SNTB1: variants seen among roughly 807,000 people sequenced by gnomAD.
SNTB1 encodes syntrophin beta 1.
In SNTB1, 36 loss-of-function variants were observed where a neutral mutation model predicts 48.9. The observed-to-expected ratio is 0.74, with a 90% CI of 0.56 to 0.97. The LOEUF (loss-of-function observed/expected upper bound fraction) is 0.97, where lower values mean the gene tolerates loss of function less well. Among genes scored for constraint, SNTB1 ranks in the 50% least tolerant of loss-of-function variants. SNTB1 has a pLI of 0.00. For synonymous variants in SNTB1, 299 were observed against 294.6 expected, an observed-to-expected ratio of 1.01 and a Z score of -0.15; for missense variants, 786 against 703.4, an observed-to-expected ratio of 1.12 and a Z score of -1.33.
chr8:120,715,501 C>CA (rs148656556), intron 1 of SNTB1, among the ~76,000 whole-genome samples: 4,193 of 151,320 alleles, frequency 0.028, 175 homozygotes, highest in African/African-American at 0.094. Context: ...TGGTTAAAAA[C>CA]AAAAAAAACA....
intron 3 of SNTB1, among the ~76,000 whole-genome samples, chr8:120,582,381 GA>G (rs566509791): frequency 2.4e-3 from 362 of 150,304 alleles, no homozygotes; most frequent in African/African-American, 8.4e-3. Context: ...ACTAGAAATA[GA>G]AAAAAAAATT....
At chr8:120,754,586 C>G (rs2130044299) in intron 1 of SNTB1, among the ~76,000 whole-genome samples, 1 of 152,184 alleles carries the variant, frequency 6.6e-6, no homozygotes, top group Middle Eastern at 3.4e-3. Context: ...AGAATTGTTC[C>G]AAATTCAGAG....
chr8:120,663,850 G>A (rs757570783), intron 2 of SNTB1, among the ~76,000 whole-genome samples: 1 of 152,126 alleles, frequency 6.6e-6, no homozygotes, highest in African/African-American at 2.4e-5. Context: ...AAGAGAGAAT[G>A]CTTGAGATAC....
At position 120,664,224 on chromosome 8, in the gene SNTB1, T is replaced by G. The variant is rs796706734; in HGVS notation, c.788+29468A>C. Reference sequence around the variant, plus strand: ...ACATGGGGCATAAGGAATAACAGGATTTTGACAGGTGGAGAATGAAGAGTG... The same window carrying G: ...ACATGGGGCATAAGGAATAACAGGAGTTTGACAGGTGGAGAATGAAGAGTG... On this transcript the variant is annotated intron_variant, in intron 2 of 6. Coordinates refer to ENST00000517992, the MANE Select transcript of SNTB1 (RefSeq NM_021021.4). Among the ~76,000 whole-genome samples the G allele has an allele frequency of 1.4e-4, 21 of 152,244 alleles. 1 individual carries two copies. The highest frequency in any genetic ancestry group is 4.8e-4 in the African/African-American group (20 of 41,546).
At chr8:120,545,805 C>T (rs545185536) in intron 5 of SNTB1, among the ~76,000 whole-genome samples, 1 of 152,302 alleles carries the variant, frequency 6.6e-6, no homozygotes, top group Admixed American at 6.5e-5. Context: ...AAATCACCAC[C>T]TCTGATTAAA....
chr8:120,665,679 TAGA>T (rs1817663207), intron 2 of SNTB1, among the ~76,000 whole-genome samples: 1 of 152,210 alleles, frequency 6.6e-6, no homozygotes, highest in South Asian at 2.1e-4. Flanking sequence ...TGTTTTCTGC[TAGA>T]AGTTTTATAG....
In SNTB1 at chr8:120,758,998, TG is replaced by T. The variant is rs549660757; in HGVS notation, c.571+52274del. Reference sequence around the variant, plus strand: ...GTTGCCTAGGCTGGTCTTGAACTCCTGGGCTCAAGCAATCCTCCACCCTCAG... The same window carrying T: ...GTTGCCTAGGCTGGTCTTGAACTCCTGGCTCAAGCAATCCTCCACCCTCAG... On this transcript the variant is annotated intron_variant, in intron 1 of 6. Transcript: ENST00000517992. 3.3e-3 allele frequency among the ~76,000 whole-genome samples: 508 copies of T among 152,230 alleles called. 1 individual carries two copies. The highest frequency in any genetic ancestry group is 5.5e-3 in the Non-Finnish European group (371 of 68,006).
chr8:120,659,221 C>T (rs1299689771), intron 2 of SNTB1, among the ~76,000 whole-genome samples: 2 of 152,140 alleles, frequency 1.3e-5, no homozygotes, highest in African/African-American at 4.8e-5. Context: ...GCTTCGGCCT[C>T]CCAAAGTGTT....
intron 6 of SNTB1, chr8:120,541,023 G>A (rs1265657490): frequency 2.0e-5 from 3 of 152,198 alleles, no homozygotes; most frequent in Non-Finnish European, 2.9e-5. Context: ...CCTCTTTGAA[G>A]TTCTACATTT....
rs1387114413 is a variant in SNTB1 at position 120,548,940 on chromosome 8, T to C, written c.1155A>G (p.Pro385=). 4 of 1,585,676 alleles carry C rather than the reference T, an allele frequency of 2.5e-6. No homozygotes were observed. In the East Asian group the frequency reaches 8.9e-5, roughly 35 times the overall value. Residue 385 remains proline, a synonymous_variant, in exon 5 of 7, where the codon CCA becomes CCG. Coordinates refer to ENST00000517992, the MANE Select transcript of SNTB1 (RefSeq NM_021021.4). ...CACCAGCCTGGGGTGATCCCTTTCC[T>C]GGACCTGAATGGACCAGCCTGGAGA... is the stretch of plus-strand genomic sequence containing the variant. ...LLATRLVHSG[P]GKGSPQAGVD... is the part of the protein sequence containing the mutation.
intron 2 of SNTB1, among the ~76,000 whole-genome samples, chr8:120,644,907 T>G (rs1011113440): frequency 3.3e-5 from 5 of 152,206 alleles, no homozygotes; most frequent in Non-Finnish European, 7.3e-5. Flanking sequence ...ATTTCTCTGA[T>G]GGCCAGTGAT....
chr8:120,797,365 T>C (rs1820134988), intron 1 of SNTB1, among the ~76,000 whole-genome samples: 1 of 152,010 alleles, frequency 6.6e-6, no homozygotes, highest in Non-Finnish European at 1.5e-5. Context: ...TTTATTTTTC[T>C]ACTTTAGAAG....
At position 120,812,000 on chromosome 8, in the gene SNTB1, A is replaced by T; in HGVS notation, c.-157T>A. The T allele has an allele frequency of 7.9e-7, 1 of 1,266,834 alleles. No homozygotes were observed. Among genetic ancestry groups the T allele is most frequent in the East Asian group, 3.3e-5 (1 of 30,524 alleles). 78.5% of individuals were successfully genotyped at this position (1,266,834 alleles called of 1,614,324 possible). On this transcript the variant is annotated 5_prime_UTR_variant, in exon 1 of 7. Transcript: ENST00000517992. ...CTCCGCTCCGGGAGTTCGCAGACGC[A>T]CTCGGCGGGAGTTGGCAGCTGCACT...
At chr8:120,780,234 C>A (rs971427833) in intron 1 of SNTB1, among the ~76,000 whole-genome samples, 2 of 152,210 alleles carry the variant, frequency 1.3e-5, no homozygotes, top group African/African-American at 4.8e-5. Context: ...TTTCTTTTCA[C>A]CCCACCACCA....
In SNTB1 at chr8:120,537,569, TAAC is replaced by T. The variant is rs1258012970; in HGVS notation, c.*1305_*1307del. ...ATGATTCTTTAAAAACACACAGGTC[TAAC>T]AACAGATGTCTGTCTATGTAAACTA... is the stretch of plus-strand genomic sequence containing the variant. On this transcript the variant is annotated 3_prime_UTR_variant, in exon 7 of 7. Coordinates refer to ENST00000517992, the MANE Select transcript of SNTB1 (RefSeq NM_021021.4). The T allele has an allele frequency of 1.3e-5, 2 of 152,224 alleles. No individual in the cohort carries two copies. The highest frequency in any genetic ancestry group is 2.9e-5 in the Non-Finnish European group (2 of 68,024). The allele number at this position is 152,224 out of a possible 1,614,324, so 9.4% of individuals were successfully genotyped here. A position where few individuals can be genotyped will look rare whatever the true frequency, so the allele number is the denominator to read the frequency against.
At chr8:120,663,011 G>T (rs1244975895) in intron 2 of SNTB1, among the ~76,000 whole-genome samples, 1 of 96,756 alleles carries the variant, frequency 1.0e-5, no homozygotes, top group African/African-American at 3.9e-5. Context: ...GTGTGTGGGG[G>T]TGGGGGGGCT....
intron 4 of SNTB1, among the ~76,000 whole-genome samples, chr8:120,573,671 T>C (rs867335135): frequency 3.3e-5 from 5 of 152,240 alleles, no homozygotes; most frequent in Non-Finnish European, 4.4e-5. Flanking sequence ...CAGTTTCAGA[T>C]CTTACCTTTA....
intron 1 of SNTB1, among the ~76,000 whole-genome samples, chr8:120,733,055 G>C (rs1818877174): frequency 6.6e-6 from 1 of 152,114 alleles, no homozygotes; most frequent in Non-Finnish European, 1.5e-5. Context: ...GACATCACAG[G>C]GATGATTGAT....
At chr8:120,573,282 T>C (rs954597300) in intron 4 of SNTB1, among the ~76,000 whole-genome samples, 3 of 152,218 alleles carry the variant, frequency 2.0e-5, no homozygotes, top group African/African-American at 7.2e-5. Flanking sequence ...CCTAAGCACA[T>C]CCTCACTGTG....
Sources: allele counts gnomAD v4.1 joint callset (sites outside exome capture counted in the v4.1 genomes callset), GRCh38; gene constraint gnomAD v4.1.1; transcripts MANE v1.5; gene names NCBI Gene and HGNC (gene_info 2026-07-23, HGNC 2026-07-21).